Variants in USO1 observed in about 807,000 individuals in gnomAD.
USO1 encodes the protein USO1 vesicle transport factor.
A neutral mutation model predicts 124.5 loss-of-function variants in USO1; 57 were observed. The ratio of observed to expected loss-of-function variants is 0.46; its 90% CI spans 0.37 to 0.57. The LOEUF is 0.57. Ranked by LOEUF, USO1 falls within the 20% of genes least tolerant of loss-of-function variation. USO1 has a pLI of 0.00. For missense variants in USO1, 900 were observed against 1,040.6 expected (o/e 0.86, Z 1.86); for synonymous variants, 369 against 362.8 (o/e 1.02, Z -0.19).
chr4:75,804,832 T>G (rs1163511090), intron 18 of USO1, among the ~76,000 whole-genome samples: 1 of 152,216 alleles, frequency 6.6e-6, no homozygotes, highest in African/African-American at 2.4e-5. Context: ...TTGTGAAGAT[T>G]TTTTAAAAGG....
At chr4:75,749,363 C>CTTAATGTA (rs1721230991) in intron 1 of USO1, among the ~76,000 whole-genome samples, 1 of 151,286 alleles carries the variant, frequency 6.6e-6, no homozygotes, top group Non-Finnish European at 1.5e-5. Flanking sequence ...TCTTAATGTA[C>CTTAATGTA]AGAATCTTTA....
intron 8 of USO1, among the ~76,000 whole-genome samples, chr4:75,776,770 A>G (rs576999291): frequency 6.6e-6 from 1 of 152,284 alleles, no homozygotes; most frequent in South Asian, 2.1e-4. Context: ...TCCTCCTCAT[A>G]AGATGAGGAT....
At chr4:75,798,249 A>G (rs1327031588) in intron 13 of USO1, among the ~76,000 whole-genome samples, 1 of 152,006 alleles carries the variant, frequency 6.6e-6, no homozygotes, top group Non-Finnish European at 1.5e-5. Flanking sequence ...TTTTTTACTC[A>G]TACATCAGCC....
intron 1 of USO1, among the ~76,000 whole-genome samples, chr4:75,741,785 G>A (rs2149144560): frequency 6.6e-6 from 1 of 151,790 alleles, no homozygotes; most frequent in African/African-American, 2.4e-5. Context: ...TTCCATTTTT[G>A]TAGAGATGGG....
intron 7 of USO1, among the ~76,000 whole-genome samples, chr4:75,773,002 G>A (rs1253859248): frequency 6.6e-6 from 1 of 152,108 alleles, no homozygotes; most frequent in Non-Finnish European, 1.5e-5. Context: ...GGAGGCTGAG[G>A]CAGGAGAATC....
chr4:75,730,938 G>T (rs927586487), intron 1 of USO1, among the ~76,000 whole-genome samples: 3 of 152,080 alleles, frequency 2.0e-5, no homozygotes, highest in South Asian at 4.1e-4. Flanking sequence ...AACTTTTGTG[G>T]TGTTAGATTT....
chr4:75,776,685 G>T (rs1358175935), intron 8 of USO1, among the ~76,000 whole-genome samples: 1 of 152,108 alleles, frequency 6.6e-6, no homozygotes, highest in East Asian at 1.9e-4. Flanking sequence ...TTCCTTCAAA[G>T]CCTTCAGATG....
intron 1 of USO1, among the ~76,000 whole-genome samples, chr4:75,743,839 C>G (rs966496910): frequency 2.0e-5 from 3 of 152,002 alleles, no homozygotes; most frequent in East Asian, 1.9e-4. Flanking sequence ...TGCAGTGGCG[C>G]GATCTTGGCT....
intron 4 of USO1, among the ~76,000 whole-genome samples, chr4:75,762,120 T>C (rs976422249): frequency 6.6e-6 from 1 of 151,868 alleles, no homozygotes; most frequent in Non-Finnish European, 1.5e-5. Flanking sequence ...CCAGAGATGA[T>C]GTAACTTATA....
At chr4:75,725,050 C>A in intron 1 of USO1, 165 bp downstream of exon 1, 1 of 742,304 alleles carries the variant, frequency 1.3e-6, no homozygotes, top group Non-Finnish European at 2.2e-6. Flanking sequence ...CAGAGTTATT[C>A]AATCACGCCC....
intron 13 of USO1, among the ~76,000 whole-genome samples, chr4:75,796,933 A>AT (rs546706612): frequency 0.031 from 3,265 of 104,458 alleles, 58 homozygotes; most frequent in Non-Finnish European, 0.048. Flanking sequence ...TTTGTTATGG[A>AT]TTTTTTTTTT....
intron 1 of USO1, among the ~76,000 whole-genome samples, chr4:75,748,930 G>A (rs957720956): frequency 2.0e-5 from 3 of 149,978 alleles, no homozygotes; most frequent in Non-Finnish European, 4.5e-5. Flanking sequence ...TAACTAAGTA[G>A]TTTTTCTAAG....
At chr4:75,772,177 G>A (rs1721950808) in intron 7 of USO1, among the ~76,000 whole-genome samples, 1 of 152,094 alleles carries the variant, frequency 6.6e-6, no homozygotes, top group African/African-American at 2.4e-5. Flanking sequence ...TTAAAATTTT[G>A]TAATATGTAT....
intron 10 of USO1, among the ~76,000 whole-genome samples, chr4:75,789,314 A>G (rs1464056125): frequency 6.6e-6 from 1 of 151,732 alleles, no homozygotes. Flanking sequence ...GTCTTGCTCT[A>G]TTTCCCAGGC....
In USO1 at chr4:75,808,077, T is replaced by A. The variant is rs1299457131; in HGVS notation, c.2377-876T>A. Among the ~76,000 whole-genome samples the A allele has an allele frequency of 2.6e-5, 4 of 152,268 alleles. No homozygotes were observed. The East Asian group carries it at 7.7e-4, about 29-fold the overall frequency. On this transcript the variant is annotated intron_variant, in intron 20 of 23. Transcript: ENST00000514213. Reference sequence around the variant, plus strand: ...TACTTGCCATTGTCCCACCACTTACTCAGTGTCTCCAGACATTACCAAATG... The same window carrying A: ...TACTTGCCATTGTCCCACCACTTACACAGTGTCTCCAGACATTACCAAATG...
rs1577970921 is a variant in USO1, at chr4:75,800,563, T to C, written c.1683-55T>C. The stretch of plus-strand genomic sequence containing the variant: ...AAGCATTATGTAGACCAAGCTTTTA[T>C]GTTTTGTTTTGATTTTATTTTTTTT... On this transcript the variant is annotated intron_variant, in intron 15 of 23. Transcript: ENST00000514213. 56 of 1,530,750 alleles carry C rather than the reference T, an allele frequency of 3.7e-5. No individual in the cohort carries two copies. The East Asian group carries it at 1.3e-3, about 35-fold the overall frequency. 94.8% of individuals were successfully genotyped at this position (1,530,750 alleles called of 1,614,324 possible). A position where few individuals can be genotyped will look rare whatever the true frequency, so the allele number is the denominator to read the frequency against.
intron 4 of USO1, among the ~76,000 whole-genome samples, chr4:75,768,809 T>C (rs937383535): frequency 1.3e-5 from 2 of 152,236 alleles, no homozygotes; most frequent in African/African-American, 4.8e-5. Flanking sequence ...ACTTTAAATA[T>C]CATTTATATG....
Position 75,724,710 on chromosome 4 carries a change from A to T in USO1, c.-110A>T. 1.8e-6 allele frequency: 2 copies of T among 1,103,908 alleles called. No individual in the cohort carries two copies. Among genetic ancestry groups the T allele is most frequent in the Non-Finnish European group, 2.6e-6 (2 of 760,024 alleles). 68.4% of individuals were successfully genotyped at this position (1,103,908 alleles called of 1,614,324 possible). ...CCGAGTTGGAGGCGGTGGTGGCAGCAGTAGGAGTGTGTAGAGTGCGGGATT... is the reference window on the plus strand; with the variant it reads ...CCGAGTTGGAGGCGGTGGTGGCAGCTGTAGGAGTGTGTAGAGTGCGGGATT... On this transcript the variant is annotated 5_prime_UTR_variant, in exon 1 of 24. Coordinates refer to ENST00000514213, the MANE Select transcript of USO1 (RefSeq NM_003715.4).
intron 6 of USO1, 27 bp from the exon 7 acceptor site, chr4:75,771,055 C>CA: frequency 6.2e-7 from 1 of 1,602,148 alleles, no homozygotes; most frequent in Admixed American, 1.8e-5. Context: ...GGTCTGCCAG[C>CA]ATTTTTCACA....
Sources: gnomAD v4.1 joint callset for allele counts (sites outside exome capture counted in the v4.1 genomes callset) on GRCh38, gnomAD v4.1.1 for gene constraint, MANE v1.5 for transcripts, NCBI Gene and HGNC (gene_info 2026-07-23, HGNC 2026-07-21) for gene names.